The following SULT6B1 variants were observed in gnomAD, a reference collection of about 807,000 sequenced individuals.
SULT6B1 encodes sulfotransferase 6B1.
In SULT6B1, 44 loss-of-function variants were observed where a neutral mutation model predicts 37.2. The ratio of observed to expected loss-of-function variants is 1.18; its 90% CI spans 0.93 to 1.52. The LOEUF is 1.52. SULT6B1 is among the 40% of genes most tolerant of loss of function. The pLI, the probability that SULT6B1 is intolerant of heterozygous loss-of-function variation, is 0.00. For missense variants in SULT6B1, 450 were observed against 361.0 expected, an observed-to-expected ratio of 1.25 and a Z score of -2.00; for synonymous variants, 140 against 126.0, an observed-to-expected ratio of 1.11 and a Z score of -0.74.
At chr2:37,172,778 G>A (rs559976953) in intron 5 of SULT6B1, among the ~76,000 whole-genome samples, 1 of 152,160 alleles carries the variant, frequency 6.6e-6, no homozygotes, top group Non-Finnish European at 1.5e-5. Flanking sequence ...AAAGTGCTAG[G>A]ATTACAGGCG....
chr2:37,183,048 T>C (rs998679200), intron 3 of SULT6B1, among the ~76,000 whole-genome samples: 3 of 152,038 alleles, frequency 2.0e-5, no homozygotes, highest in East Asian at 3.9e-4. Flanking sequence ...TTTGAAAAAA[T>C]AGTTTTAGGC....
chr2:37,176,210 C>T (rs1336282047), intron 4 of SULT6B1, among the ~76,000 whole-genome samples: 3 of 150,508 alleles, frequency 2.0e-5, no homozygotes, highest in Non-Finnish European at 3.0e-5. Flanking sequence ...AATGAATTAA[C>T]ACACGTCAAA....
intron 1 of SULT6B1, chr2:37,194,486 C>A (rs181339403): frequency 2.0e-5 from 8 of 410,042 alleles, no homozygotes; most frequent in African/African-American, 1.5e-4. Context: ...CAGCTGCACG[C>A]GGATACGGTA....
chr2:37,179,437 T>C (rs1275941530), intron 4 of SULT6B1, 21 bp downstream of exon 4: 6 of 1,612,462 alleles, frequency 3.7e-6, no homozygotes, highest in Non-Finnish European at 4.2e-6. Flanking sequence ...GTAAGAATAA[T>C]TCTTTTACCA....
At chr2:37,193,887 G>T (rs1676838178) in intron 1 of SULT6B1, among the ~76,000 whole-genome samples, 1 of 152,174 alleles carries the variant, frequency 6.6e-6, no homozygotes, top group Non-Finnish European at 1.5e-5. Context: ...CTAGGACCAG[G>T]AAGGCACTGT....
At chr2:37,182,502 T>C (rs570717868) in intron 3 of SULT6B1, among the ~76,000 whole-genome samples, 1 of 151,918 alleles carries the variant, frequency 6.6e-6, no homozygotes, top group Admixed American at 6.6e-5. Context: ...ACCAACCTAA[T>C]ATTTTTTGTA....
Position 37,188,636 on chromosome 2 carries a change from G to T in SULT6B1, c.5C>A (p.Ala2Asp). Residue 2 changes from alanine to aspartate, a missense_variant, in exon 1 of 7, where the codon GCT becomes GAT. Ala to Asp is a moderately radical substitution (Grantham distance 126). Coordinates refer to ENST00000535679, the MANE Select transcript of SULT6B1 (RefSeq NM_001367551.1). Reference sequence around the variant, plus strand: ...GTATTCAATAAATTTGGATTTATCAGCCATGGTGGCTCCCTGTAAAAGAAC... The same window carrying T: ...GTATTCAATAAATTTGGATTTATCATCCATGGTGGCTCCCTGTAAAAGAAC... MADKSKFIEYID... is the reference protein window; with the variant it reads MDDKSKFIEYID... 1 of 1,160,736 alleles carries T rather than the reference G, an allele frequency of 8.6e-7. No individual in the cohort carries two copies. Among genetic ancestry groups the T allele is most frequent in the Non-Finnish European group, 1.3e-6 (1 of 782,110 alleles). The allele number at this position is 1,160,736 out of a possible 1,614,324, so 71.9% of individuals were successfully genotyped here. A position where few individuals can be genotyped will look rare whatever the true frequency, so the allele number is the denominator to read the frequency against.
Position 37,167,850 on chromosome 2 carries a change from G to T in SULT6B1, c.*85C>A. 1 of 1,162,714 alleles carries T rather than the reference G, an allele frequency of 8.6e-7. No homozygotes were observed. Among genetic ancestry groups the T allele is most frequent in the Non-Finnish European group, 1.2e-6 (1 of 857,224 alleles). 72.0% of individuals were successfully genotyped at this position (1,162,714 alleles called of 1,614,324 possible). ...TTTCAATATTGTTTAATTATTATTT[G>T]ATTATTTGATTGAATTATCATTTAA... is the stretch of plus-strand genomic sequence containing the variant. On this transcript the variant is annotated 3_prime_UTR_variant, in exon 7 of 7. Coordinates refer to ENST00000535679, the MANE Select transcript of SULT6B1 (RefSeq NM_001367551.1).
chr2:37,180,170 GCT>G (rs1356532396), intron 3 of SULT6B1, among the ~76,000 whole-genome samples: 1 of 152,224 alleles, frequency 6.6e-6, no homozygotes, highest in Non-Finnish European at 1.5e-5. Context: ...TCACACGTCT[GCT>G]CTGAGTTCAG....
chr2:37,195,012 C>T (rs556020772), intron 1 of SULT6B1, among the ~76,000 whole-genome samples: 3 of 151,540 alleles, frequency 2.0e-5, no homozygotes, highest in South Asian at 2.1e-4. Context: ...TGCAGTGGCA[C>T]GATCTTGGCT....
Position 37,184,841 on chromosome 2 carries a change from A to C in SULT6B1, c.313-1327T>G, listed in dbSNP as rs1041644036. 1.8e-4 allele frequency among the ~76,000 whole-genome samples: 28 copies of C among 152,220 alleles called. 1 individual carries two copies. The highest frequency in any genetic ancestry group is 8.3e-4 in the South Asian group (4 of 4,824). On this transcript the variant is annotated intron_variant, in intron 2 of 6. Transcript: ENST00000535679. ...AGTGAGACTCCATTTAAAAAAAAAAAAACAACAAAACTTAGTGGAGATCTC... is the reference window on the plus strand; with the variant it reads ...AGTGAGACTCCATTTAAAAAAAAAACAACAACAAAACTTAGTGGAGATCTC...
At chr2:37,174,227 C>CTTTTTTTT (rs35100458) in intron 5 of SULT6B1, among the ~76,000 whole-genome samples, 4 of 58,476 alleles carry the variant, frequency 6.8e-5, no homozygotes, top group Non-Finnish European at 9.5e-5. Flanking sequence ...TCTTCCTATT[C>CTTTTTTTT]TTTTTTTTTT....
chr2:37,176,972 G>A (rs1676444926), intron 4 of SULT6B1, among the ~76,000 whole-genome samples: 1 of 151,924 alleles, frequency 6.6e-6, no homozygotes, highest in Non-Finnish European at 1.5e-5. Flanking sequence ...CCAATTTCAG[G>A]GTGTATTGCA....
intron 1 of SULT6B1, chr2:37,194,519 G>A: frequency 2.6e-6 from 1 of 379,618 alleles, no homozygotes; most frequent in Non-Finnish European, 5.1e-6. Flanking sequence ...TATTCCTTTG[G>A]CAAAGACAAC....
chr2:37,186,245 C>G (rs1676670832), intron 2 of SULT6B1, among the ~76,000 whole-genome samples: 1 of 152,150 alleles, frequency 6.6e-6, no homozygotes, highest in Non-Finnish European at 1.5e-5. Context: ...GTGAACACTG[C>G]TGAAAGTTTT....
chr2:37,168,266 T>C (rs951246336), intron 6 of SULT6B1, among the ~76,000 whole-genome samples: 4 of 152,138 alleles, frequency 2.6e-5, no homozygotes, highest in Admixed American at 2.0e-4. Context: ...CTTCAAGCAA[T>C]TCTCCCTGCC....
intron 2 of SULT6B1, among the ~76,000 whole-genome samples, chr2:37,183,848 T>A (rs1274568036): frequency 6.6e-6 from 1 of 152,156 alleles, no homozygotes. Flanking sequence ...TTCACCATGT[T>A]GGCCTGGCTG....
intron 6 of SULT6B1, among the ~76,000 whole-genome samples, chr2:37,168,321 C>T (rs926330475): frequency 6.6e-6 from 1 of 152,094 alleles, no homozygotes; most frequent in Non-Finnish European, 1.5e-5. Context: ...GCCACCACAC[C>T]CGGCTAATGT....
chr2:37,195,934 G>C (rs547979999), intron 1 of SULT6B1: 2 of 152,314 alleles, frequency 1.3e-5, no homozygotes, highest in South Asian at 2.1e-4. Context: ...CGATTCTCCT[G>C]CCTCAGCCTC....
Sources: gnomAD v4.1 joint callset for allele counts (sites outside exome capture counted in the v4.1 genomes callset) on GRCh38, gnomAD v4.1.1 for gene constraint, MANE v1.5 for transcripts, NCBI Gene and HGNC (gene_info 2026-07-23, HGNC 2026-07-21) for gene names.